Variants in SYT13 observed in about 807,000 individuals in gnomAD.
SYT13 encodes synaptotagmin-13.
Under a neutral mutation model 38.6 loss-of-function variants are expected in SYT13, and 21 were observed. The ratio of observed to expected loss-of-function variants is 0.54; its 90% confidence interval spans 0.39 to 0.78. SYT13 has a LOEUF of 0.78. Ranked by LOEUF, SYT13 falls within the 30% of genes least tolerant of loss-of-function variation. SYT13 has a pLI of 0.00. For synonymous variants in SYT13, 241 were observed against 237.6 expected (o/e 1.01, Z -0.13); for missense variants, 495 against 548.7 (o/e 0.90, Z 0.98).
chr11:45,271,132 G>A (rs1032197649), intron 1 of SYT13, among the ~76,000 whole-genome samples: 63 of 152,188 alleles, frequency 4.1e-4, no homozygotes, highest in African/African-American at 1.4e-3. Context: ...CTAATTGATC[G>A]AAGCATTCTT....
In SYT13 at chr11:45,254,394, C is replaced by T. The variant is rs1854717478; in HGVS notation, c.420G>A (p.Glu140=). The change falls in exon 3 of 6, where the codon GAG becomes GAA. Residue 140 remains glutamate, a synonymous_variant. Transcript: ENST00000020926. ...TCCAGGTCTCCATGACACAGACATC[C>T]TCCACCACACCTGTTAAGAAAGTCG... ...LFILPQNGVV[E]DVCVMETWNP... is the part of the protein sequence containing the mutation. 1 of 1,612,812 alleles carries T rather than the reference C, an allele frequency of 6.2e-7. No homozygotes were observed. Among genetic ancestry groups the T allele is most frequent in the Non-Finnish European group, 8.5e-7 (1 of 1,179,532 alleles).
intron 4 of SYT13, among the ~76,000 whole-genome samples, chr11:45,249,843 C>A (rs2135887610): frequency 6.6e-6 from 1 of 152,218 alleles, no homozygotes; most frequent in South Asian, 2.1e-4. Flanking sequence ...CACATGTGTA[C>A]CTATGTAACA....
At chr11:45,283,782 G>A (rs1247449302) in intron 1 of SYT13, among the ~76,000 whole-genome samples, 3 of 152,212 alleles carry the variant, frequency 2.0e-5, no homozygotes, top group Non-Finnish European at 4.4e-5. Context: ...ATTTGAAGAT[G>A]ATAATCCCCA....
chr11:45,254,074 A>G (rs997411980), intron 3 of SYT13, 196 bp downstream of exon 3: 1 of 505,530 alleles, frequency 2.0e-6, no homozygotes, highest in Admixed American at 4.3e-5. Flanking sequence ...TTTGTCAACC[A>G]GGAATCCCCA....
intron 4 of SYT13, among the ~76,000 whole-genome samples, chr11:45,247,405 T>G (rs116266505): frequency 6.6e-6 from 1 of 152,240 alleles, no homozygotes; most frequent in African/African-American, 2.4e-5. Flanking sequence ...AAGAGGCAGA[T>G]GTGTGGCCTG....
At position 45,252,843 on chromosome 11, in the gene SYT13, G is replaced by A. The variant is rs1359712524; in HGVS notation, c.545-121C>T. 1.9e-6 allele frequency: 2 copies of A among 1,061,448 alleles called. No homozygotes were observed. The highest frequency in any genetic ancestry group is 2.6e-5 in the East Asian group (1 of 37,928). 65.8% of individuals were successfully genotyped at this position (1,061,448 alleles called of 1,614,324 possible). ...ACGACGTGACCTTGGGTGTCAGAAA[G>A]GCTGACCACCCTGGGCACCAGGGAA... On this transcript the variant is annotated intron_variant, in intron 3 of 5. Coordinates refer to ENST00000020926, the MANE Select transcript of SYT13 (RefSeq NM_020826.3). This position sits in a 1 kb window ranked among gnomAD's most constrained non-coding sequence, Gnocchi z 4.3.
At chr11:45,251,549 T>C (rs1170801592) in intron 4 of SYT13, among the ~76,000 whole-genome samples, 2 of 152,170 alleles carry the variant, frequency 1.3e-5, no homozygotes. Context: ...ACTGCCAATC[T>C]GGTTGAGAGA....
intron 5 of SYT13, among the ~76,000 whole-genome samples, chr11:45,245,083 T>C (rs1217394289): frequency 6.6e-6 from 1 of 152,208 alleles, no homozygotes; most frequent in Non-Finnish European, 1.5e-5. Context: ...TCCGTACTTT[T>C]TAAAGTTTTA....
chr11:45,247,952 A>G (rs887521372), intron 4 of SYT13, among the ~76,000 whole-genome samples: 7 of 152,234 alleles, frequency 4.6e-5, no homozygotes, highest in Non-Finnish European at 1.0e-4. Context: ...CATAAATTAC[A>G]ATTCTAATGA....
At chr11:45,255,017 G>A (rs138143343) in intron 2 of SYT13, among the ~76,000 whole-genome samples, 41 of 152,172 alleles carry the variant, frequency 2.7e-4, no homozygotes, top group Non-Finnish European at 5.4e-4. Context: ...TCAGGAGGCC[G>A]AGGTGAGAGG....
intron 1 of SYT13, among the ~76,000 whole-genome samples, chr11:45,275,152 C>A (rs1238990788): frequency 6.6e-6 from 1 of 152,196 alleles, no homozygotes; most frequent in Non-Finnish European, 1.5e-5. Context: ...CATTTGTCTA[C>A]CCATCCATTC....
rs1854541464 is a variant in SYT13 at position 45,240,827 on chromosome 11, T to G, written c.*3225A>C. ...AATGGTCTCTCACCTTATTTTTACC[T>G]CTACCTCACACCCTTTTTAGAAATG... On this transcript the variant is annotated 3_prime_UTR_variant, in exon 6 of 6. Coordinates refer to ENST00000020926, the MANE Select transcript of SYT13 (RefSeq NM_020826.3). 1.3e-5 allele frequency: 2 copies of G among 152,242 alleles called. No individual in the cohort carries two copies. The highest frequency in any genetic ancestry group is 4.8e-5 in the African/African-American group (2 of 41,468). 9.4% of individuals were successfully genotyped at this position (152,242 alleles called of 1,614,324 possible). A position where few individuals can be genotyped will look rare whatever the true frequency, so the allele number is the denominator to read the frequency against.
chr11:45,255,766 C>A lies in SYT13; in HGVS notation c.309G>T (p.Arg103Ser). The A allele has an allele frequency of 6.2e-7, 1 of 1,614,176 alleles. No individual in the cohort carries two copies. The highest frequency in any genetic ancestry group is 1.1e-5 in the South Asian group (1 of 91,074). The change falls in exon 2 of 6, where the codon AGG becomes AGT. Residue 103 changes from arginine (R) to serine (S), a missense_variant. Transcript: ENST00000020926. Reference protein sequence around the residue: ...EVINYADYSLRSTEEPTAPAS... With the variant: ...EVINYADYSLSSTEEPTAPAS... ...CAGGTGCAGTGGGCTCCTCCGTAGA[C>A]CTCAGTGAATAGTCTGCATAGTTGA...
chr11:45,284,237 G>C (rs1321332737), intron 1 of SYT13, among the ~76,000 whole-genome samples: 1 of 152,212 alleles, frequency 6.6e-6, no homozygotes, highest in African/African-American at 2.4e-5. Flanking sequence ...GTGGAGAGGA[G>C]TGGCTAATAG....
chr11:45,254,113 G>A (rs1308220952), intron 3 of SYT13, 157 bp downstream of exon 3: 1 of 798,186 alleles, frequency 1.3e-6, no homozygotes, highest in Non-Finnish European at 1.8e-6. Flanking sequence ...GGGAGTGTGG[G>A]AAATCTTTGT....
At chr11:45,261,680 C>T (rs192526628) in intron 1 of SYT13, among the ~76,000 whole-genome samples, 2 of 152,052 alleles carry the variant, frequency 1.3e-5, no homozygotes, top group Non-Finnish European at 2.9e-5. Context: ...CTTTGGGAGG[C>T]CAAATCAGGT....
chr11:45,241,785 C>T lies in SYT13; in HGVS notation c.*2267G>A, dbSNP rs939124233. 7.9e-5 allele frequency: 12 copies of T among 152,240 alleles called. No homozygotes were observed. The East Asian group carries it at 1.9e-3, about 25-fold the overall frequency. The allele number at this position is 152,240 out of a possible 1,614,324, so 9.4% of individuals were successfully genotyped here. On this transcript the variant is annotated 3_prime_UTR_variant, in exon 6 of 6. Coordinates refer to ENST00000020926, the MANE Select transcript of SYT13 (RefSeq NM_020826.3). ...AGGAAATGTTTTGTTTTCTTTTACC[C>T]ACACCAACCAAAGAGAAGAAACCAG...
At position 45,242,918 on chromosome 11, in the gene SYT13, C is replaced by T. The variant is rs369427027; in HGVS notation, c.*1134G>A. 1.2e-3 allele frequency: 179 copies of T among 152,308 alleles called. 2 individuals are homozygous for T. Among genetic ancestry groups the T allele is most frequent in the African/African-American group, 4.1e-3 (170 of 41,568 alleles). 9.4% of individuals were successfully genotyped at this position (152,308 alleles called of 1,614,324 possible). A position where few individuals can be genotyped will look rare whatever the true frequency, so the allele number is the denominator to read the frequency against. On this transcript the variant is annotated 3_prime_UTR_variant, in exon 6 of 6. Coordinates refer to ENST00000020926, the MANE Select transcript of SYT13 (RefSeq NM_020826.3). ...GGTTATTTACCCATTCAAGTGAAAA[C>T]AGACAGAGGGAGGCACAGTTGCAAA... is the stretch of plus-strand genomic sequence containing the variant.
At chr11:45,251,385 C>CAA (rs1854672238) in intron 4 of SYT13, among the ~76,000 whole-genome samples, 3 of 13,268 alleles carry the variant, frequency 2.3e-4, no homozygotes, top group African/African-American at 8.1e-4. Flanking sequence ...GAGACTCTGT[C>CAA]TAAAAAAAAA....
Sources: gnomAD v4.1 joint callset for allele counts (sites outside exome capture counted in the v4.1 genomes callset) on GRCh38, gnomAD v4.1.1 for gene constraint, Gnocchi (gnomAD v3.1) non-coding constraint, MANE v1.5 for transcripts, NCBI Gene and HGNC (gene_info 2026-07-23, HGNC 2026-07-21) for gene names.